The following SNTG1 variants were observed in gnomAD, a reference collection of about 807,000 sequenced individuals.
SNTG1 encodes the protein syntrophin gamma 1.
Under a neutral mutation model 74.7 loss-of-function variants are expected in SNTG1, and 39 were observed. The ratio of observed to expected loss-of-function variants is 0.52; its 90% CI spans 0.40 to 0.68. The LOEUF (loss-of-function observed/expected upper bound fraction) is 0.68. Ranked by LOEUF, SNTG1 falls within the 30% of genes least tolerant of loss-of-function variation. The pLI is 0.00. For missense variants in SNTG1, 685 were observed against 609.5 expected (o/e 1.12, Z -1.30); for synonymous variants, 254 against 217.1 (o/e 1.17, Z -1.49).
chr8:50,469,915 T>A (rs1447145729), intron 8 of SNTG1, among the ~76,000 whole-genome samples: 2 of 152,098 alleles, frequency 1.3e-5, no homozygotes, highest in East Asian at 1.9e-4. Flanking sequence ...GAGGCAGAGG[T>A]TGCAATGAGC....
At chr8:50,527,251 C>T (rs912734709) in intron 9 of SNTG1, among the ~76,000 whole-genome samples, 3 of 152,140 alleles carry the variant, frequency 2.0e-5, no homozygotes, top group Admixed American at 6.6e-5. Flanking sequence ...AGCCTTTTGC[C>T]AGTGATATAA....
At chr8:50,613,175 T>G (rs757011658) in intron 13 of SNTG1, among the ~76,000 whole-genome samples, 20 of 152,188 alleles carry the variant, frequency 1.3e-4, no homozygotes, top group Non-Finnish European at 2.9e-4. Context: ...GCAATTCAAA[T>G]CAATGTTTTC....
At chr8:49,942,832 G>A (rs544702479) in intron 1 of SNTG1, among the ~76,000 whole-genome samples, 1 of 152,264 alleles carries the variant, frequency 6.6e-6, no homozygotes, top group African/African-American at 2.4e-5. Context: ...TCAGTCACTT[G>A]GCTGGGGTAA....
chr8:49,992,960 G>A (rs1299986152), intron 1 of SNTG1, among the ~76,000 whole-genome samples: 2 of 152,152 alleles, frequency 1.3e-5, no homozygotes, highest in African/African-American at 4.8e-5. Flanking sequence ...CATATAGATA[G>A]AGGAAGTTGA....
intron 1 of SNTG1, among the ~76,000 whole-genome samples, chr8:49,954,110 T>A (rs1408744374): frequency 6.6e-6 from 1 of 152,212 alleles, no homozygotes; most frequent in Non-Finnish European, 1.5e-5. Flanking sequence ...TATAAAAAGA[T>A]TTGTAGTCAC....
intron 2 of SNTG1, among the ~76,000 whole-genome samples, chr8:50,384,848 G>A (rs555909083): frequency 7.9e-5 from 12 of 152,028 alleles, no homozygotes; most frequent in African/African-American, 7.2e-5. Context: ...GCTTGAGCCC[G>A]ATCACTTCCA....
chr8:50,672,475 A>G (rs2095288908), intron 15 of SNTG1, among the ~76,000 whole-genome samples: 1 of 152,152 alleles, frequency 6.6e-6, no homozygotes, highest in African/African-American at 2.4e-5. Flanking sequence ...TGGCCACATA[A>G]AAGTCTTCTC....
intron 3 of SNTG1, among the ~76,000 whole-genome samples, chr8:50,395,915 A>T (rs953761768): frequency 6.6e-6 from 1 of 152,174 alleles, no homozygotes; most frequent in Admixed American, 6.5e-5. Context: ...ATTGAAACCC[A>T]GTGGATATTT....
intron 4 of SNTG1, among the ~76,000 whole-genome samples, chr8:50,438,276 C>G (rs1282269946): frequency 6.6e-6 from 1 of 151,964 alleles, no homozygotes. Context: ...AAAATATGTC[C>G]AAAATAATCA....
chr8:49,951,509 CA>C (rs934422865), intron 1 of SNTG1, among the ~76,000 whole-genome samples: 1 of 147,730 alleles, frequency 6.8e-6, no homozygotes, highest in African/African-American at 2.5e-5. Context: ...ATCGCAAGAA[CA>C]AAAAACCAAA....
At chr8:50,477,649 G>A (rs1468336765) in intron 8 of SNTG1, among the ~76,000 whole-genome samples, 2 of 152,128 alleles carry the variant, frequency 1.3e-5, no homozygotes, top group African/African-American at 4.8e-5. Context: ...ACTTTGGTTA[G>A]TAAGAATGCA....
intron 8 of SNTG1, among the ~76,000 whole-genome samples, chr8:50,486,703 G>GA (rs2093798071): frequency 6.6e-6 from 1 of 150,600 alleles, no homozygotes; most frequent in Non-Finnish European, 1.5e-5. Context: ...TAGGAGTGGT[G>GA]AGAGAGGGCA....
chr8:50,532,352 T>C (rs2094275557), intron 10 of SNTG1, among the ~76,000 whole-genome samples: 1 of 152,218 alleles, frequency 6.6e-6, no homozygotes, highest in Non-Finnish European at 1.5e-5. Context: ...CTATTTTACT[T>C]TGGGGAGCTG....
chr8:50,280,810 TG>T (rs2088397726), intron 2 of SNTG1, among the ~76,000 whole-genome samples: 1 of 152,016 alleles, frequency 6.6e-6, no homozygotes, highest in South Asian at 2.1e-4. Context: ...AAATTTTTCC[TG>T]TCTGACCTTT....
chr8:50,304,703 T>A (rs995625532), intron 2 of SNTG1, among the ~76,000 whole-genome samples: 2 of 152,188 alleles, frequency 1.3e-5, no homozygotes, highest in African/African-American at 2.4e-5. Context: ...TTGACTTATA[T>A]CTTTATTGTC....
At position 50,188,275 on chromosome 8, in the gene SNTG1, T is replaced by C. The variant is rs73575352; in HGVS notation, c.-28+15640T>C. On this transcript the variant is annotated intron_variant, in intron 2 of 18. Coordinates refer to ENST00000642720, the MANE Select transcript of SNTG1 (RefSeq NM_018967.5). ...AATAGTGAACCATACAGGCAAGCCA[T>C]TGGCTTCAGCTCATGAATCATTGTA... is the stretch of plus-strand genomic sequence containing the variant. 9.6e-3 allele frequency among the ~76,000 whole-genome samples: 1,460 copies of C among 152,240 alleles called. 33 individuals carry two copies. The highest frequency in any genetic ancestry group is 0.032 in the African/African-American group (1,327 of 41,532).
At chr8:50,369,406 G>A (rs2092211001) in intron 2 of SNTG1, among the ~76,000 whole-genome samples, 1 of 152,134 alleles carries the variant, frequency 6.6e-6, no homozygotes, top group African/African-American at 2.4e-5. Flanking sequence ...AGACGAGCCT[G>A]ACCAACATGG....
chr8:50,085,578 T>C (rs2131110813), intron 1 of SNTG1, among the ~76,000 whole-genome samples: 1 of 152,360 alleles, frequency 6.6e-6, no homozygotes, highest in South Asian at 2.1e-4. Flanking sequence ...CCTCTAGTGT[T>C]AATTTCATTC....
At chr8:50,431,137 A>C (rs936290857) in intron 4 of SNTG1, among the ~76,000 whole-genome samples, 1 of 152,188 alleles carries the variant, frequency 6.6e-6, no homozygotes, top group Admixed American at 6.5e-5. Flanking sequence ...GTCCTGAATA[A>C]TTTTTAGACA....
Sources: allele counts gnomAD v4.1 joint callset (sites outside exome capture counted in the v4.1 genomes callset), GRCh38; gene constraint gnomAD v4.1.1; transcripts MANE v1.5; gene names NCBI Gene and HGNC (gene_info 2026-07-23, HGNC 2026-07-21).